The following TRAPPC9 variants were observed in gnomAD, a reference collection of about 807,000 sequenced individuals.
The protein encoded by TRAPPC9 is trafficking protein particle complex subunit 9.
A neutral mutation model predicts 124.0 loss-of-function variants in TRAPPC9; 83 were observed. The observed-to-expected ratio is 0.67, with a 90% CI of 0.56 to 0.80. The LOEUF (loss-of-function observed/expected upper bound fraction) is 0.80. TRAPPC9 is among the 30% of genes least tolerant of loss of function. The pLI is 0.00. For synonymous variants in TRAPPC9, 638 were observed against 617.5 expected (o/e 1.03, Z -0.49); for missense variants, 1,302 against 1,508.3 (o/e 0.86, Z 2.27).
At chr8:140,141,212 G>A (rs765165818) in intron 17 of TRAPPC9, among the ~76,000 whole-genome samples, 13 of 152,162 alleles carry the variant, frequency 8.5e-5, no homozygotes, top group Non-Finnish European at 1.5e-4. Context: ...GTGGTCAACC[G>A]TGGTTCAAAA....
At chr8:139,924,413 C>T (rs1449645106) in intron 19 of TRAPPC9, among the ~76,000 whole-genome samples, 2 of 152,212 alleles carry the variant, frequency 1.3e-5, no homozygotes, top group African/African-American at 4.8e-5. Flanking sequence ...AATGCCAGAA[C>T]CTCCTTAGGA....
At chr8:139,749,508 T>C (rs1819173372) in intron 21 of TRAPPC9, among the ~76,000 whole-genome samples, 1 of 152,168 alleles carries the variant, frequency 6.6e-6, no homozygotes, top group Non-Finnish European at 1.5e-5. Flanking sequence ...CCAGAACTTC[T>C]TCCTACCATG....
chr8:140,147,337 T>G (rs576743015), intron 17 of TRAPPC9, among the ~76,000 whole-genome samples: 1 of 152,206 alleles, frequency 6.6e-6, no homozygotes, highest in Non-Finnish European at 1.5e-5. Flanking sequence ...TAGATTTAAG[T>G]GAATTCCTTT....
chr8:140,033,674 T>TTTGG (rs1563706840), intron 17 of TRAPPC9, among the ~76,000 whole-genome samples: 1 of 93,072 alleles, frequency 1.1e-5, no homozygotes, highest in Non-Finnish European at 2.2e-5. Context: ...TTTTTTTTTT[T>TTTGG]TTTTTTTTTT....
chr8:140,025,740 A>AC (rs1313583493), intron 17 of TRAPPC9, among the ~76,000 whole-genome samples: 1 of 152,096 alleles, frequency 6.6e-6, no homozygotes, highest in Non-Finnish European at 1.5e-5. Flanking sequence ...CCTGCAACCT[A>AC]CCCATCTGAC....
intron 17 of TRAPPC9, among the ~76,000 whole-genome samples, chr8:140,201,073 G>A (rs1388302443): frequency 1.3e-5 from 2 of 152,174 alleles, no homozygotes; most frequent in Non-Finnish European, 1.5e-5. Flanking sequence ...CCGGATGCAG[G>A]GCTCACAGAC....
chr8:140,079,280 C>A (rs1173287688), intron 17 of TRAPPC9, among the ~76,000 whole-genome samples: 2 of 152,138 alleles, frequency 1.3e-5, no homozygotes, highest in Non-Finnish European at 2.9e-5. Context: ...AGAGTGAGAA[C>A]AGACTAATAC....
At chr8:139,870,783 A>C (rs1828851873) in intron 21 of TRAPPC9, among the ~76,000 whole-genome samples, 1 of 152,206 alleles carries the variant, frequency 6.6e-6, no homozygotes, top group Non-Finnish European at 1.5e-5. Flanking sequence ...GGAGAAGGAG[A>C]CTTGTACATC....
intron 14 of TRAPPC9, among the ~76,000 whole-genome samples, chr8:140,281,989 G>A (rs112559706): frequency 1.2e-4 from 18 of 152,206 alleles, no homozygotes; most frequent in African/African-American, 4.3e-4. Context: ...GTGATTATTC[G>A]GCGACTTGTC....
At chr8:139,932,287 T>C (rs1313514360) in intron 19 of TRAPPC9, 1 of 457,378 alleles carries the variant, frequency 2.2e-6, no homozygotes. Flanking sequence ...GTAGCCACCA[T>C]GGGAGAATGT....
chr8:140,363,179 G>A (rs892377154), intron 8 of TRAPPC9, among the ~76,000 whole-genome samples: 7 of 151,966 alleles, frequency 4.6e-5, no homozygotes, highest in African/African-American at 7.2e-5. Context: ...TTAATCCCTC[G>A]TCCAGGAAAA....
At chr8:140,183,928 A>G (rs191649851) in intron 17 of TRAPPC9, among the ~76,000 whole-genome samples, 15 of 31,160 alleles carry the variant, frequency 4.8e-4, no homozygotes, top group Non-Finnish European at 5.2e-4. Context: ...AGAGGAGAGG[A>G]GAGGAGAGGA....
chr8:139,868,711 G>T (rs1266010184), intron 21 of TRAPPC9, among the ~76,000 whole-genome samples: 1 of 152,170 alleles, frequency 6.6e-6, no homozygotes, highest in African/African-American at 2.4e-5. Flanking sequence ...TTGTTGTAAA[G>T]TCTGTATTAT....
intron 21 of TRAPPC9, among the ~76,000 whole-genome samples, chr8:139,828,094 C>A (rs1313537206): frequency 6.8e-6 from 1 of 147,364 alleles, no homozygotes; most frequent in South Asian, 2.2e-4. Flanking sequence ...TAGCATGAGA[C>A]TTGGAGGGGA....
Position 140,221,511 on chromosome 8 carries a change from T to G in TRAPPC9, c.2504A>C (p.Lys835Thr). 2 of 1,614,112 alleles carry G rather than the reference T, an allele frequency of 1.2e-6. No homozygotes were observed. Among genetic ancestry groups the G allele is most frequent in the Non-Finnish European group, 1.7e-6 (2 of 1,180,002 alleles). The stretch of plus-strand genomic sequence containing the variant: ...GTTGCTCTCGGGTGGGTTCACAGGT[T>G]TGCCCTCCACTCGGGGCCGAACGAC... ...RQVVRPRVEG[K>T]PVNPPESNKA... Residue 835 changes from lysine to threonine, a missense_variant, in exon 17 of 23, where the codon AAA becomes ACA. This residue lies in a region of TRAPPC9 where 640 missense variants were observed against 679.3 expected (regional missense o/e 0.94). Transcript: ENST00000438773.
chr8:140,235,670 G>C (rs960070227), intron 16 of TRAPPC9, among the ~76,000 whole-genome samples: 4 of 152,190 alleles, frequency 2.6e-5, no homozygotes, highest in Non-Finnish European at 5.9e-5. Flanking sequence ...GAGCAAGAGA[G>C]AGTTCATACA....
intron 5 of TRAPPC9, among the ~76,000 whole-genome samples, chr8:140,423,447 C>CAAAT (rs1193649712): frequency 3.3e-5 from 5 of 151,828 alleles, no homozygotes; most frequent in Admixed American, 6.6e-5. Flanking sequence ...TCTCAAAAAA[C>CAAAT]AAATAAATAA....
chr8:139,794,508 G>C (rs1337757745), intron 21 of TRAPPC9, among the ~76,000 whole-genome samples: 1 of 152,212 alleles, frequency 6.6e-6, no homozygotes. Context: ...GGGAGCCTCA[G>C]TTGAGCTGAG....
chr8:140,230,456 A>G (rs992433642), intron 16 of TRAPPC9, among the ~76,000 whole-genome samples: 2 of 152,012 alleles, frequency 1.3e-5, no homozygotes, highest in Non-Finnish European at 2.9e-5. Context: ...TAAAAATACA[A>G]AAAAAATTAG....
Sources: gnomAD v4.1 joint callset for allele counts (sites outside exome capture counted in the v4.1 genomes callset) on GRCh38, gnomAD v4.1.1 for gene constraint, gnomAD v4.1.1 regional missense constraint, MANE v1.5 for transcripts, NCBI Gene and HGNC (gene_info 2026-07-23, HGNC 2026-07-21) for gene names.